PDCD4: variants seen among roughly 807,000 people sequenced by gnomAD.
The protein encoded by PDCD4 is programmed cell death 4.
Under a neutral mutation model 54.0 loss-of-function variants are expected in PDCD4, and 56 were observed. The ratio of observed to expected loss-of-function variants is 1.04; its 90% CI spans 0.84 to 1.30. The LOEUF (loss-of-function observed/expected upper bound fraction) is 1.30, where lower values mean the gene tolerates loss of function less well. Among genes scored for constraint, PDCD4 ranks in the 50% most tolerant of loss-of-function variants. PDCD4 has a pLI of 0.00. For missense variants in PDCD4, 584 were observed against 559.8 expected, an observed-to-expected ratio of 1.04 and a Z score of -0.44; for synonymous variants, 186 against 194.8, an observed-to-expected ratio of 0.95 and a Z score of 0.37.
chr10:110,890,739 T>C, intron 8 of PDCD4, 69 bp downstream of exon 8: 1 of 924,654 alleles, frequency 1.1e-6, no homozygotes, highest in East Asian at 2.7e-5. Flanking sequence ...TTGTGGCTAC[T>C]AGCTGGTATT....
chr10:110,878,270 T>G (rs1407696), intron 2 of PDCD4, among the ~76,000 whole-genome samples: 84,832 of 152,022 alleles, frequency 0.56, 26,555 homozygotes, highest in Non-Finnish European at 0.71. Context: ...TAAATTATAC[T>G]GAGAGAATGT....
At chr10:110,872,502 C>T (rs921387060) in intron 1 of PDCD4, among the ~76,000 whole-genome samples, 2 of 152,326 alleles carry the variant, frequency 1.3e-5, no homozygotes, top group African/African-American at 2.4e-5. Flanking sequence ...GCCCCCTGTC[C>T]TTCGTGAACC....
At position 110,893,875 on chromosome 10, in the gene PDCD4, C is replaced by T. The variant is rs536979602; in HGVS notation, c.991-216C>T. Among the ~76,000 whole-genome samples the T allele has an allele frequency of 3.3e-5, 5 of 152,188 alleles. No individual in the cohort carries two copies. In the South Asian group the frequency reaches 1.0e-3, roughly 32 times the overall value. On this transcript the variant is annotated intron_variant, in intron 8 of 11. Coordinates refer to ENST00000280154, the MANE Select transcript of PDCD4 (RefSeq NM_014456.5). ...GTGATTCAGACACACTGAAGCATTG[C>T]ATTTGAATCATAATTATGAACCATT...
At chr10:110,889,007 G>A (rs4545475) in intron 6 of PDCD4, among the ~76,000 whole-genome samples, 6,540 of 151,718 alleles carry the variant, frequency 0.043, 180 homozygotes, top group East Asian at 0.097. Flanking sequence ...CGAGGCAGGC[G>A]GATCACGAGG....
intron 3 of PDCD4, among the ~76,000 whole-genome samples, chr10:110,881,893 C>T (rs1311478830): frequency 4.6e-5 from 7 of 152,224 alleles, no homozygotes; most frequent in Non-Finnish European, 7.4e-5. Context: ...ATGTCCATTA[C>T]TACTACTAAT....
intron 8 of PDCD4, among the ~76,000 whole-genome samples, chr10:110,892,449 C>G (rs1345238368): frequency 6.6e-6 from 1 of 152,132 alleles, no homozygotes; most frequent in Non-Finnish European, 1.5e-5. Context: ...TCAAAGAAGA[C>G]TTTTAGAAAT....
At chr10:110,886,078 A>G (rs1459600044) in intron 5 of PDCD4, among the ~76,000 whole-genome samples, 1 of 152,190 alleles carries the variant, frequency 6.6e-6, no homozygotes, top group Admixed American at 6.6e-5. Flanking sequence ...TAAGACAAAT[A>G]TTTGTTCAGT....
chr10:110,881,925 C>T (rs1250682799), intron 3 of PDCD4, among the ~76,000 whole-genome samples: 1 of 152,032 alleles, frequency 6.6e-6, no homozygotes, highest in East Asian at 1.9e-4. Context: ...TGATTGATAA[C>T]GTCTAGATCT....
Position 110,898,255 on chromosome 10 carries a change from T to A in PDCD4, c.*167T>A, listed in dbSNP as rs1845880097. 9.7e-6 allele frequency: 4 copies of A among 412,198 alleles called. No homozygotes were observed. The highest frequency in any genetic ancestry group is 8.4e-6 in the Non-Finnish European group (2 of 237,130). The allele number at this position is 412,198 out of a possible 1,614,324, so 25.5% of individuals were successfully genotyped here. On this transcript the variant is annotated 3_prime_UTR_variant, in exon 12 of 12. Transcript: ENST00000280154. ...TAAGGGGAATTTTTAAAGGAAATGT[T>A]TTTTCTTTTTTTTTTGTTTTTCGAG... is the stretch of plus-strand genomic sequence containing the variant.
At chr10:110,890,120 G>A (rs770701036) in intron 7 of PDCD4, among the ~76,000 whole-genome samples, 2 of 152,172 alleles carry the variant, frequency 1.3e-5, no homozygotes, top group Admixed American at 6.5e-5. Context: ...TGATATTTGG[G>A]AGTTATGCTA....
At chr10:110,888,712 A>C (rs1845707711) in intron 6 of PDCD4, among the ~76,000 whole-genome samples, 1 of 152,148 alleles carries the variant, frequency 6.6e-6, no homozygotes, top group Non-Finnish European at 1.5e-5. Context: ...TTTTTCTCAT[A>C]CCATAAAATA....
intron 1 of PDCD4, among the ~76,000 whole-genome samples, chr10:110,872,646 G>C (rs1306599662): frequency 2.6e-5 from 4 of 152,216 alleles, no homozygotes; most frequent in African/African-American, 9.6e-5. Flanking sequence ...CGCTATCCTC[G>C]CCGGGGGCGC....
At chr10:110,873,500 C>G (rs761867212) in intron 1 of PDCD4, among the ~76,000 whole-genome samples, 3 of 152,172 alleles carry the variant, frequency 2.0e-5, no homozygotes, top group Non-Finnish European at 4.4e-5. Flanking sequence ...CAGTTGAATA[C>G]TTCTGATTGT....
Position 110,894,140 on chromosome 10 carries a change from C to T in PDCD4, c.1040C>T (p.Ala347Val). The change falls in exon 9 of 12, where the codon GCT becomes GTT. Residue 347 changes from alanine to valine, a missense_variant. Coordinates refer to ENST00000280154, the MANE Select transcript of PDCD4 (RefSeq NM_014456.5). Reference protein sequence around the residue: ...EYLLSGDISEAEHCLKELEVP... With the variant: ...EYLLSGDISEVEHCLKELEVP... The stretch of plus-strand genomic sequence containing the variant: ...TTACTCTCTGGAGACATATCTGAAG[C>T]TGAACATTGCCTTAAGGAACTGGAA... The T allele has an allele frequency of 6.2e-7, 1 of 1,609,750 alleles. No homozygotes were observed. The highest frequency in any genetic ancestry group is 2.2e-5 in the East Asian group (1 of 44,734).
chr10:110,895,813 G>A, intron 10 of PDCD4, 135 bp from the exon 11 acceptor site: 6 of 605,672 alleles, frequency 9.9e-6, no homozygotes, highest in Admixed American at 6.6e-5. Flanking sequence ...TGCTTCTCAC[G>A]ATTCAAATCT....
intron 11 of PDCD4, 21 bp from the exon 12 acceptor site, chr10:110,898,007 C>T (rs1845872197): frequency 4.0e-6 from 6 of 1,516,244 alleles, no homozygotes; most frequent in Admixed American, 1.9e-5. Flanking sequence ...GTTTTCATGT[C>T]TTTTTTTTTC....
Position 110,887,727 on chromosome 10 carries a change from C to G in PDCD4, c.618C>G (p.Ser206=), listed in dbSNP as rs552138763. The G allele has an allele frequency of 6.2e-7, 1 of 1,613,440 alleles. No individual in the cohort carries two copies. The highest frequency in any genetic ancestry group is 1.7e-5 in the Admixed American group (1 of 60,010). ...GTGGAGTACCAGTGTTGGCAGTATC[C>G]TTAGCATTGGAGGGGAAGGCTAGTC... The part of the protein sequence containing the change: ...MKSGVPVLAV[S]LALEGKASHR... Residue 206 remains serine, a synonymous_variant, in exon 6 of 12, where the codon TCC becomes TCG. Transcript: ENST00000280154.
intron 5 of PDCD4, 111 bp downstream of exon 5, chr10:110,885,477 C>G: frequency 2.0e-6 from 1 of 512,432 alleles, no homozygotes; most frequent in East Asian, 3.2e-5. Context: ...TAATCATTTT[C>G]TTTTGCATAA....
At chr10:110,873,438 T>C (rs1590724063) in intron 1 of PDCD4, among the ~76,000 whole-genome samples, 1 of 152,208 alleles carries the variant, frequency 6.6e-6, no homozygotes, top group Non-Finnish European at 1.5e-5. Flanking sequence ...GAAATACATA[T>C]GTATATATTT....
Sources: allele counts gnomAD v4.1 joint callset (sites outside exome capture counted in the v4.1 genomes callset), GRCh38; gene constraint gnomAD v4.1.1; transcripts MANE v1.5; gene names NCBI Gene and HGNC (gene_info 2026-07-23, HGNC 2026-07-21).